The following AKAP13 variants were observed in gnomAD, a reference collection of about 807,000 sequenced individuals.
AKAP13 encodes A-kinase anchor protein 13.
A neutral mutation model predicts 264.5 loss-of-function variants in AKAP13; 80 were observed. The observed-to-expected ratio is 0.30, with a 90% CI of 0.25 to 0.36. AKAP13 has a LOEUF of 0.36. Among genes scored for constraint, AKAP13 ranks in the 10% least tolerant of loss-of-function variants. The pLI is 1.00. For missense variants in AKAP13, 3,712 were observed against 3,435.2 expected (o/e 1.08, Z -2.01); for synonymous variants, 1,380 against 1,250.2 (o/e 1.10, Z -2.19).
Position 85,645,880 on chromosome 15 carries a change from A to G in AKAP13, c.4300A>G (p.Lys1434Glu). The part of the protein sequence containing the change: ...RECTSKQGVL[K>E]RESGSDSDLF... ...GTGTACCTCAAAACAAGGTGTACTT[A>G]AAAGAGAATCTGGGAGTGATTCTGA... The change falls in exon 10 of 37, where the codon AAA (lysine) becomes GAA (glutamate). Residue 1434 changes from lysine to glutamate, a missense_variant. Physicochemically the swap from Lys to Glu is moderately conservative, Grantham distance 56. This residue lies in a region of AKAP13 where 2,759 missense variants were observed against 2,411.7 expected (regional missense o/e 1.14). Transcript: ENST00000394518. The G allele has an allele frequency of 1.9e-6, 3 of 1,613,334 alleles. No individual in the cohort carries two copies. The highest frequency in any genetic ancestry group is 2.5e-6 in the Non-Finnish European group (3 of 1,179,930).
chr15:85,457,073 C>G (rs2074306751), intron 1 of AKAP13, among the ~76,000 whole-genome samples: 3 of 152,272 alleles, frequency 2.0e-5, no homozygotes, highest in South Asian at 2.1e-4. Flanking sequence ...TTTTTCTGAT[C>G]AGTAACTTGA....
At chr15:85,417,469 A>T (rs907933519) in intron 1 of AKAP13, among the ~76,000 whole-genome samples, 5 of 152,222 alleles carry the variant, frequency 3.3e-5, no homozygotes, top group Non-Finnish European at 5.9e-5. Context: ...AATTACTGGA[A>T]TGTAGTATTG....
At chr15:85,648,575 C>T (rs1042887180) in intron 10 of AKAP13, among the ~76,000 whole-genome samples, 6 of 151,906 alleles carry the variant, frequency 3.9e-5, no homozygotes, top group South Asian at 4.1e-4. Context: ...GGAGGCCAGG[C>T]GTGGTGGATC....
At chr15:85,730,789 T>C (rs1485255197) in intron 30 of AKAP13, 82 bp downstream of exon 30, 1 of 1,314,524 alleles carries the variant, frequency 7.6e-7, no homozygotes, top group East Asian at 2.3e-5. Context: ...GTTTTTACTT[T>C]TTTACTTTAA....
intron 1 of AKAP13, among the ~76,000 whole-genome samples, chr15:85,455,930 G>C (rs545655215): frequency 8.7e-4 from 133 of 152,332 alleles, no homozygotes; most frequent in African/African-American, 3.0e-3. Context: ...CTTTAAGTCA[G>C]ATAGTGTGAC....
At chr15:85,481,821 A>G (rs942486572) in intron 1 of AKAP13, among the ~76,000 whole-genome samples, 35 of 152,382 alleles carry the variant, frequency 2.3e-4, no homozygotes, top group Admixed American at 2.0e-3. Context: ...AAGCAGCCTC[A>G]GTGAACTTGT....
chr15:85,399,825 A>T (rs929794161), intron 1 of AKAP13, among the ~76,000 whole-genome samples: 8 of 152,210 alleles, frequency 5.3e-5, no homozygotes, highest in African/African-American at 1.9e-4. Flanking sequence ...ACAGGGAAGT[A>T]TTTGAGATAA....
chr15:85,710,547 A>G, intron 18 of AKAP13, 32 bp from the exon 19 acceptor site: 1 of 1,607,882 alleles, frequency 6.2e-7, no homozygotes, highest in Non-Finnish European at 8.5e-7. Context: ...TCAGAGGTGA[A>G]TTGTCAATGG....
chr15:85,740,423 G>C (rs1445213477), intron 34 of AKAP13, 151 bp downstream of exon 34: 4 of 785,266 alleles, frequency 5.1e-6, no homozygotes, highest in Admixed American at 5.3e-5. Flanking sequence ...TGGTGAGAAA[G>C]TTACAGAATG....
At chr15:85,690,097 A>G (rs564156100) in intron 16 of AKAP13, 1 of 152,264 alleles carries the variant, frequency 6.6e-6, no homozygotes, top group African/African-American at 2.4e-5. Flanking sequence ...GGACCAAAGC[A>G]TGGGGAGGTA....
intron 1 of AKAP13, among the ~76,000 whole-genome samples, chr15:85,421,337 C>T (rs1163362111): frequency 6.6e-6 from 1 of 152,258 alleles, no homozygotes; most frequent in Non-Finnish European, 1.5e-5. Context: ...GGGTCTCTTA[C>T]TCCCTTACTC....
At chr15:85,728,110 CCT>C (rs1308642382) in intron 29 of AKAP13, among the ~76,000 whole-genome samples, 1 of 152,082 alleles carries the variant, frequency 6.6e-6, no homozygotes, top group African/African-American at 2.4e-5. Context: ...AATTCTATTC[CCT>C]GTCTTAGCAA....
intron 30 of AKAP13, among the ~76,000 whole-genome samples, chr15:85,732,972 G>C (rs531073313): frequency 1.3e-5 from 2 of 152,264 alleles, no homozygotes; most frequent in South Asian, 4.1e-4. Context: ...TAGTTGTGCT[G>C]TGTCTACGCT....
At chr15:85,721,287 C>G (rs1027605985) in intron 23 of AKAP13, among the ~76,000 whole-genome samples, 1 of 152,220 alleles carries the variant, frequency 6.6e-6, no homozygotes, top group African/African-American at 2.4e-5. Context: ...TCTGTCTCAG[C>G]TCCTCCATTG....
At chr15:85,643,753 G>A (rs1348305506) in intron 9 of AKAP13, among the ~76,000 whole-genome samples, 2 of 152,136 alleles carry the variant, frequency 1.3e-5, no homozygotes, top group Non-Finnish European at 2.9e-5. Flanking sequence ...TTTGCCCCTG[G>A]AACAGTACAG....
chr15:85,394,300 A>G (rs770595558), intron 1 of AKAP13, among the ~76,000 whole-genome samples: 14 of 152,140 alleles, frequency 9.2e-5, no homozygotes, highest in Non-Finnish European at 2.1e-4. Context: ...TTTTGGGTGT[A>G]TATCTTCTCT....
At chr15:85,740,439 A>G in intron 34 of AKAP13, 167 bp downstream of exon 34, 1 of 662,686 alleles carries the variant, frequency 1.5e-6, no homozygotes, top group East Asian at 2.8e-5. Context: ...GAATGCATCG[A>G]CCTTCCAGGA....
chr15:85,731,941 G>T (rs1203020370), intron 30 of AKAP13, among the ~76,000 whole-genome samples: 1 of 152,112 alleles, frequency 6.6e-6, no homozygotes, highest in Non-Finnish European at 1.5e-5. Context: ...AAATTAGCCA[G>T]GTGTGGTGAC....
At chr15:85,391,969 G>T (rs575484853) in intron 1 of AKAP13, among the ~76,000 whole-genome samples, 1 of 151,964 alleles carries the variant, frequency 6.6e-6, no homozygotes, top group East Asian at 1.9e-4. Flanking sequence ...ATTTTTAGTA[G>T]AGATGAGGTT....
Sources: allele counts gnomAD v4.1 joint callset (sites outside exome capture counted in the v4.1 genomes callset), GRCh38; gene constraint gnomAD v4.1.1; regional missense constraint gnomAD v4.1.1; transcripts MANE v1.5; gene names NCBI Gene and HGNC (gene_info 2026-07-23, HGNC 2026-07-21).